The following KIF26B variants were observed in gnomAD, a reference collection of about 807,000 sequenced individuals.
KIF26B encodes kinesin family member 26B.
A neutral mutation model predicts 151.2 loss-of-function variants in KIF26B; 63 were observed. That is an observed-to-expected ratio of 0.42 (90% confidence interval 0.34 to 0.51). The LOEUF is 0.51. Ranked by LOEUF, KIF26B falls within the 20% of genes least tolerant of loss-of-function variation. The probability of loss-of-function intolerance (pLI) is 0.07; values close to 1 mark genes in which losing one functional copy is unlikely to be tolerated. For missense variants in KIF26B, 2,813 were observed against 2,913.6 expected, an observed-to-expected ratio of 0.97 and a Z score of 0.79; for synonymous variants, 1,357 against 1,262.1, an observed-to-expected ratio of 1.08 and a Z score of -1.59.
chr1:245,348,653 C>T (rs1672506260), intron 2 of KIF26B, among the ~76,000 whole-genome samples: 1 of 152,180 alleles, frequency 6.6e-6, no homozygotes, highest in Non-Finnish European at 1.5e-5. Flanking sequence ...TACCTCCAGC[C>T]ATCATGTTGG....
At chr1:245,477,329 G>A (rs956690033) in intron 4 of KIF26B, among the ~76,000 whole-genome samples, 2 of 151,564 alleles carry the variant, frequency 1.3e-5, no homozygotes, top group African/African-American at 4.8e-5. Flanking sequence ...ACTGTGTGCC[G>A]GGCACTGTCC....
Position 245,685,753 on chromosome 1 carries a change from A to G in KIF26B, c.2770A>G (p.Asn924Asp). Residue 924 changes from asparagine to aspartate, a missense_variant, in exon 12 of 15, where the codon AAC becomes GAC. Around this residue, in one of 3 missense-constraint regions of KIF26B, gnomAD observed 2,060 missense variants for 2,088.6 expected, o/e 0.99. Transcript: ENST00000407071. ...GTCAGAAAGGGACTGCCTGAAGTGC[A>G]ACACGTTTGCCGAGCTGCAGGAGAG... ...GKSERDCLKCNTFAELQERLD... is the reference protein window; with the variant it reads ...GKSERDCLKCDTFAELQERLD... The G allele has an allele frequency of 6.2e-7, 1 of 1,612,606 alleles. No individual in the cohort carries two copies. The highest frequency in any genetic ancestry group is 8.5e-7 in the Non-Finnish European group (1 of 1,179,600).
intron 4 of KIF26B, among the ~76,000 whole-genome samples, chr1:245,424,770 A>G (rs886120650): frequency 1.4e-5 from 2 of 146,056 alleles, no homozygotes; most frequent in East Asian, 3.9e-4. Flanking sequence ...ACTAGAAGTA[A>G]AAGAAAAATT....
chr1:245,685,358 A>C, intron 11 of KIF26B, 47 bp from the exon 12 acceptor site: 1 of 1,480,726 alleles, frequency 6.8e-7, no homozygotes, highest in Non-Finnish European at 9.2e-7. Flanking sequence ...GCTCCCGGGG[A>C]AACTGCCACG....
intron 2 of KIF26B, among the ~76,000 whole-genome samples, chr1:245,230,323 G>C (rs1356796680): frequency 2.0e-5 from 3 of 152,126 alleles, no homozygotes; most frequent in African/African-American, 7.2e-5. Context: ...ACTGAAGAGA[G>C]TGCTCTTGAA....
chr1:245,264,633 G>A (rs1324281213), intron 2 of KIF26B, among the ~76,000 whole-genome samples: 3 of 152,002 alleles, frequency 2.0e-5, no homozygotes, highest in East Asian at 1.9e-4. Context: ...CGTGGCTCAC[G>A]CCTGTAATCC....
intron 8 of KIF26B, among the ~76,000 whole-genome samples, chr1:245,610,133 C>T (rs1228052339): frequency 6.7e-6 from 1 of 149,314 alleles, no homozygotes; most frequent in East Asian, 1.9e-4. Flanking sequence ...CCAGAATAAT[C>T]AATCCTTCCA....
chr1:245,431,982 G>A (rs1446729574), intron 4 of KIF26B, among the ~76,000 whole-genome samples: 2 of 151,974 alleles, frequency 1.3e-5, no homozygotes, highest in Non-Finnish European at 2.9e-5. Flanking sequence ...AAAGTGCCAA[G>A]GCCATTCCCT....
intron 10 of KIF26B, among the ~76,000 whole-genome samples, chr1:245,664,241 G>A (rs6680029): frequency 0.19 from 29,252 of 151,432 alleles, 4,305 homozygotes; most frequent in African/African-American, 0.41. Flanking sequence ...GGTGGCGGGC[G>A]CCTGTAATCC....
At chr1:245,573,538 AAG>A (rs1325238617) in intron 5 of KIF26B, among the ~76,000 whole-genome samples, 1 of 152,046 alleles carries the variant, frequency 6.6e-6, no homozygotes, top group Non-Finnish European at 1.5e-5. Flanking sequence ...AAAATTAAAA[AAG>A]AATAATAATA....
intron 10 of KIF26B, among the ~76,000 whole-genome samples, chr1:245,679,465 T>G (rs1257916919): frequency 2.4e-5 from 3 of 123,458 alleles, no homozygotes; most frequent in African/African-American, 3.7e-5. Context: ...GTGTTTTTTT[T>G]TTTTTTTTTT....
intron 5 of KIF26B, among the ~76,000 whole-genome samples, chr1:245,548,758 TTA>T (rs1491334410): frequency 6.6e-4 from 98 of 148,188 alleles, no homozygotes; most frequent in Middle Eastern, 6.9e-3. Flanking sequence ...TTTTTTTTTT[TTA>T]AAAACAGGGT....
At chr1:245,633,534 A>G (rs2043803927) in intron 9 of KIF26B, among the ~76,000 whole-genome samples, 1 of 149,078 alleles carries the variant, frequency 6.7e-6, no homozygotes, top group Admixed American at 6.7e-5. Flanking sequence ...TCTCCCAGTG[A>G]GTTTTTCAGT....
intron 2 of KIF26B, among the ~76,000 whole-genome samples, chr1:245,365,040 G>A (rs1046335944): frequency 6.6e-6 from 1 of 152,214 alleles, no homozygotes; most frequent in Admixed American, 6.5e-5. Context: ...ATCATGAACT[G>A]GTGGTCAAGA....
Position 245,687,877 on chromosome 1 carries a change from G to A in KIF26B, c.4894G>A (p.Ala1632Thr), listed in dbSNP as rs866622290. 1.9e-6 allele frequency: 3 copies of A among 1,592,288 alleles called. No homozygotes were observed. Among genetic ancestry groups the A allele is most frequent in the Admixed American group, 3.5e-5 (2 of 57,606 alleles). Reference protein sequence around the residue: ...GTSSPLNQPAAFPAGLPDEPS... With the variant: ...GTSSPLNQPATFPAGLPDEPS... ...CAGCAGCCCCCTGAACCAACCAGCCGCCTTCCCGGCGGGCCTCCCAGACGA... is the reference window on the plus strand; with the variant it reads ...CAGCAGCCCCCTGAACCAACCAGCCACCTTCCCGGCGGGCCTCCCAGACGA... The change falls in exon 12 of 15, where the codon GCC (alanine) becomes ACC (threonine). Residue 1632 changes from alanine to threonine, a missense_variant. Ala to Thr is a moderately conservative substitution (Grantham distance 58). Coordinates refer to ENST00000407071, the MANE Select transcript of KIF26B (RefSeq NM_018012.4). This position sits in a 1 kb window ranked among gnomAD's most constrained non-coding sequence, Gnocchi z 4.9.
At chr1:245,618,491 G>GTGCTGTTGGTGAGCT in intron 9 of KIF26B, among the ~76,000 whole-genome samples, 1 of 143,586 alleles carries the variant, frequency 7.0e-6, no homozygotes. Flanking sequence ...TGTCCGCTGC[G>GTGCTGTTGGTGAGCT]TCAGTGTCCA....
In KIF26B at chr1:245,698,870, CTCTG is replaced by C. The variant is rs758004869; in HGVS notation, c.6028-11_6028-8del. The C allele has an allele frequency of 1.1e-4, 183 of 1,610,358 alleles. No homozygotes were observed. In the African/African-American group the frequency reaches 1.4e-3, roughly 12 times the overall value. ...TGTGAGCAGAAGGGCCCTTTCTCCT[CTCTG>C]TCTGTGTGCTAGGAGGCCATGTGCT... On this transcript the variant is annotated splice_polypyrimidine_tract_variant and intron_variant, in intron 13 of 14. Transcript: ENST00000407071. This position sits in a 1 kb window ranked among gnomAD's most constrained non-coding sequence, Gnocchi z 4.0.
intron 2 of KIF26B, among the ~76,000 whole-genome samples, chr1:245,159,581 T>A (rs1023143270): frequency 1.3e-5 from 2 of 152,258 alleles, no homozygotes; most frequent in African/African-American, 4.8e-5. Context: ...GTTAGATTTA[T>A]GTTTTACAGA....
intron 3 of KIF26B, among the ~76,000 whole-genome samples, chr1:245,388,065 A>T (rs879868436): frequency 5.3e-5 from 8 of 152,196 alleles, no homozygotes; most frequent in Non-Finnish European, 7.4e-5. Context: ...CTGGTGGCTC[A>T]TCTCTGGGAG....
Sources: gnomAD v4.1 joint callset for allele counts (sites outside exome capture counted in the v4.1 genomes callset) on GRCh38, gnomAD v4.1.1 for gene constraint, gnomAD v4.1.1 regional missense constraint, Gnocchi (gnomAD v3.1) non-coding constraint, MANE v1.5 for transcripts, NCBI Gene and HGNC (gene_info 2026-07-23, HGNC 2026-07-21) for gene names.